Variants in AJAP1 observed in about 807,000 individuals in gnomAD.
AJAP1 encodes adherens junctions associated protein 1.
A neutral mutation model predicts 35.0 loss-of-function variants in AJAP1; 5 were observed. The observed-to-expected ratio is 0.14, with a 90% CI of 0.07 to 0.30. The LOEUF (loss-of-function observed/expected upper bound fraction) is 0.30. Ranked by LOEUF, AJAP1 falls within the 10% of genes least tolerant of loss-of-function variation. AJAP1 has a pLI of 1.00. For missense variants in AJAP1, 586 were observed against 571.0 expected, an observed-to-expected ratio of 1.03 and a Z score of -0.27; for synonymous variants, 284 against 249.3, an observed-to-expected ratio of 1.14 and a Z score of -1.31.
chr1:4,742,850 A>G (rs374386241), intron 2 of AJAP1, among the ~76,000 whole-genome samples: 3 of 152,168 alleles, frequency 2.0e-5, no homozygotes, highest in East Asian at 1.9e-4. Context: ...TTGCTGCACT[A>G]TGAATGGTCT....
chr1:4,772,504 A>T lies in AJAP1; in HGVS notation c.1142A>T (p.Lys381Ile). The T allele has an allele frequency of 6.2e-7, 1 of 1,614,100 alleles. No homozygotes were observed. Among genetic ancestry groups the T allele is most frequent in the Non-Finnish European group, 8.5e-7 (1 of 1,179,972 alleles). Residue 381 changes from lysine to isoleucine, a missense_variant, in exon 4 of 6, where the codon AAA becomes ATA. Transcript: ENST00000378191. ...ETLHSTTGEY[K>I]STFNGNRPSS... ...CTGCACTCGACGACGGGGGAGTACA[A>T]ATCCACATTTAATGGAAACCGGTAA...
chr1:4,698,567 C>G (rs541006260), intron 1 of AJAP1, among the ~76,000 whole-genome samples: 1 of 152,282 alleles, frequency 6.6e-6, no homozygotes, highest in South Asian at 2.1e-4. Context: ...CTCAGAAGAA[C>G]CTTCAAGGTC....
chr1:4,779,776 G>A (rs1322763477), intron 5 of AJAP1, among the ~76,000 whole-genome samples: 1 of 152,038 alleles, frequency 6.6e-6, no homozygotes, highest in Non-Finnish European at 1.5e-5. Flanking sequence ...TCGAAGCCTA[G>A]CTTCTGGTGG....
chr1:4,750,710 C>G (rs1034539436), intron 2 of AJAP1, among the ~76,000 whole-genome samples: 4 of 151,578 alleles, frequency 2.6e-5, no homozygotes, highest in African/African-American at 7.3e-5. Context: ...CCTCCTCCTC[C>G]ATCACTGTTA....
rs1213543934 is a variant in AJAP1 at position 4,787,751 on chromosome 1, G to A, written c.*5266G>A. 6 of 455,814 alleles carry A rather than the reference G, an allele frequency of 1.3e-5. No individual in the cohort carries two copies. The highest frequency in any genetic ancestry group is 2.0e-5 in the African/African-American group (1 of 50,178). 28.2% of individuals were successfully genotyped at this position (455,814 alleles called of 1,614,324 possible). A position where few individuals can be genotyped will look rare whatever the true frequency, so the allele number is the denominator to read the frequency against. ...CTCAGGTCAGCCAGGTCTCAAGGAGGATAAGGGGGTTCAACGTCAGCGACT... is the reference window on the plus strand; with the variant it reads ...CTCAGGTCAGCCAGGTCTCAAGGAGAATAAGGGGGTTCAACGTCAGCGACT... On this transcript the variant is annotated 3_prime_UTR_variant, in exon 6 of 6. Coordinates refer to ENST00000378191, the MANE Select transcript of AJAP1 (RefSeq NM_018836.4).
rs199899877 is a variant in AJAP1 at position 4,712,404 on chromosome 1, T to A, written c.534T>A (p.Thr178=). ...GAGGCAGCCGGCCCACCACAGAGAC[T>A]GAGTTCATCGCCTGGGGGCCCACGG... ...DSRGSRPTTE[T]EFIAWGPTGD... The change falls in exon 2 of 6, where the codon ACT becomes ACA. Residue 178 remains threonine (T), a synonymous_variant. Coordinates refer to ENST00000378191, the MANE Select transcript of AJAP1 (RefSeq NM_018836.4). 9 of 1,584,950 alleles carry A rather than the reference T, an allele frequency of 5.7e-6. No homozygotes were observed. In the South Asian group the frequency reaches 1.0e-4, roughly 18 times the overall value.
intron 1 of AJAP1, among the ~76,000 whole-genome samples, chr1:4,700,113 G>C (rs1009784648): frequency 1.6e-4 from 25 of 152,140 alleles, no homozygotes; most frequent in Admixed American, 1.1e-3. Flanking sequence ...CTCCGGAAGG[G>C]GCCATGTCAC....
At chr1:4,676,576 G>GCGAACGGC (rs1336116318) in intron 1 of AJAP1, among the ~76,000 whole-genome samples, 1 of 152,174 alleles carries the variant, frequency 6.6e-6, no homozygotes, top group Non-Finnish European at 1.5e-5. Flanking sequence ...AGAGAGAGGG[G>GCGAACGGC]CCGTTCCTTG....
chr1:4,748,989 T>C (rs1641260857), intron 2 of AJAP1, among the ~76,000 whole-genome samples: 1 of 152,114 alleles, frequency 6.6e-6, no homozygotes, highest in Non-Finnish European at 1.5e-5. Context: ...ATGTAAGGTG[T>C]GAGAACCGCA....
chr1:4,678,926 C>T (rs1639417176), intron 1 of AJAP1, among the ~76,000 whole-genome samples: 1 of 152,208 alleles, frequency 6.6e-6, no homozygotes, highest in African/African-American at 2.4e-5. Context: ...TAGGTATGCT[C>T]CTATCCTAAT....
At position 4,720,606 on chromosome 1, in the gene AJAP1, A is replaced by G. The variant is rs560080044; in HGVS notation, c.829+7907A>G. ...ATTTCTTTGTGACAAGGCTGTTCTG[A>G]GACTGGACCATGCCAGCACATGTGG... On this transcript the variant is annotated intron_variant, in intron 2 of 5. Coordinates refer to ENST00000378191, the MANE Select transcript of AJAP1 (RefSeq NM_018836.4). This position sits in a 1 kb window ranked among gnomAD's most constrained non-coding sequence, Gnocchi z 4.4. Among the ~76,000 whole-genome samples the G allele has an allele frequency of 1.3e-5, 2 of 152,198 alleles. No homozygotes were observed. Among genetic ancestry groups the G allele is most frequent in the Non-Finnish European group, 2.9e-5 (2 of 68,044 alleles).
chr1:4,733,018 G>A (rs901375450), intron 2 of AJAP1, among the ~76,000 whole-genome samples: 21 of 152,028 alleles, frequency 1.4e-4, no homozygotes, highest in African/African-American at 4.8e-4. Flanking sequence ...TGCCCAGCAG[G>A]GCATTTCAGA....
chr1:4,665,889 T>C (rs891600549), intron 1 of AJAP1, among the ~76,000 whole-genome samples: 30 of 152,120 alleles, frequency 2.0e-4, no homozygotes, highest in Admixed American at 5.2e-4. Context: ...AAGAAGGAGA[T>C]GGGGAAGGTT....
At chr1:4,709,347 G>A (rs1352065772) in intron 1 of AJAP1, among the ~76,000 whole-genome samples, 2 of 151,876 alleles carry the variant, frequency 1.3e-5, no homozygotes, top group African/African-American at 2.4e-5. Flanking sequence ...AGTATAGTGG[G>A]GACTGTTGGA....
rs1642088059 is a variant in AJAP1, at chr1:4,782,668, C to T, written c.*183C>T. On this transcript the variant is annotated 3_prime_UTR_variant, in exon 6 of 6. Coordinates refer to ENST00000378191, the MANE Select transcript of AJAP1 (RefSeq NM_018836.4). This position sits in a 1 kb window ranked among gnomAD's most constrained non-coding sequence, Gnocchi z 5.3. ...ACCACTTCTGTTTGCCGGTGGGAAA[C>T]TCACAGAGCAGGACGCTCTAGGCCA... 3 of 398,508 alleles carry T rather than the reference C, an allele frequency of 7.5e-6. No homozygotes were observed. The East Asian group carries it at 1.1e-4, about 14-fold the overall frequency. 24.7% of individuals were successfully genotyped at this position (398,508 alleles called of 1,614,324 possible). A position where few individuals can be genotyped will look rare whatever the true frequency, so the allele number is the denominator to read the frequency against.
chr1:4,684,897 C>G (rs1639571676), intron 1 of AJAP1, among the ~76,000 whole-genome samples: 1 of 152,212 alleles, frequency 6.6e-6, no homozygotes, highest in South Asian at 2.1e-4. Context: ...AGATCTCTTT[C>G]CTTGGGAAGC....
chr1:4,687,485 C>A (rs537771521), intron 1 of AJAP1, among the ~76,000 whole-genome samples: 2 of 152,274 alleles, frequency 1.3e-5, no homozygotes, highest in Admixed American at 1.3e-4. Flanking sequence ...GGGCTGGGAC[C>A]AAGACCCCTG....
chr1:4,745,554 C>G (rs995163672), intron 2 of AJAP1, among the ~76,000 whole-genome samples: 1 of 152,192 alleles, frequency 6.6e-6, no homozygotes, highest in Admixed American at 6.5e-5. Flanking sequence ...ACCCAGACTG[C>G]CTTACCCTCC....
At chr1:4,779,790 G>C (rs2802718) in intron 5 of AJAP1, among the ~76,000 whole-genome samples, 120,332 of 151,962 alleles carry the variant, frequency 0.79, 48,240 homozygotes, top group African/African-American at 0.89. Flanking sequence ...CTGGTGGCCC[G>C]AGGATTTTTA....
Sources: allele counts gnomAD v4.1 joint callset (sites outside exome capture counted in the v4.1 genomes callset), GRCh38; gene constraint gnomAD v4.1.1; non-coding constraint Gnocchi (gnomAD v3.1); transcripts MANE v1.5; gene names NCBI Gene and HGNC (gene_info 2026-07-23, HGNC 2026-07-21).